RASAL2: variants seen among roughly 807,000 people sequenced by gnomAD.
RASAL2 encodes RAS protein activator like 2.
In RASAL2, 58 loss-of-function variants were observed where a neutral mutation model predicts 128.9. That is an observed-to-expected ratio of 0.45 (90% CI 0.36 to 0.56). RASAL2 has a LOEUF of 0.56. RASAL2 is among the 20% of genes least tolerant of loss of function. The pLI, the probability that RASAL2 is intolerant of heterozygous loss-of-function variation, is 0.00. For missense variants in RASAL2, 1,360 were observed against 1,601.6 expected (o/e 0.85, Z 2.57); for synonymous variants, 561 against 580.8 (o/e 0.97, Z 0.49).
At chr1:178,133,925 T>C (rs1326436822) in intron 1 of RASAL2, among the ~76,000 whole-genome samples, 1 of 152,184 alleles carries the variant, frequency 6.6e-6, no homozygotes, top group Non-Finnish European at 1.5e-5. Flanking sequence ...GCTGCCTTGC[T>C]CCTCAAGATT....
Position 178,318,754 on chromosome 1 carries a change from C to T in RASAL2, c.457+18636C>T, listed in dbSNP as rs576952839. ...GATCTTGACTCTTTATCCAATTTGCCAGTCTGTGTCTTTTAATTGGAGCAT... is the reference window on the plus strand; with the variant it reads ...GATCTTGACTCTTTATCCAATTTGCTAGTCTGTGTCTTTTAATTGGAGCAT... On this transcript the variant is annotated intron_variant, in intron 3 of 17. Coordinates refer to ENST00000367649, the MANE Select transcript of RASAL2 (RefSeq NM_170692.4). Among the ~76,000 whole-genome samples the T allele has an allele frequency of 1.5e-4, 23 of 152,200 alleles. 2 individuals carry two copies. In the East Asian group the frequency reaches 3.1e-3, roughly 20 times the overall value.
At chr1:178,180,663 T>TCACACACATA (rs1553256845) in intron 1 of RASAL2, among the ~76,000 whole-genome samples, 1 of 139,158 alleles carries the variant, frequency 7.2e-6, no homozygotes, top group African/African-American at 2.7e-5. Context: ...CGAGACTGTC[T>TCACACACATA]CACACACACA....
intron 1 of RASAL2, among the ~76,000 whole-genome samples, chr1:178,179,213 T>C (rs1349887347): frequency 6.6e-6 from 1 of 152,154 alleles, no homozygotes; most frequent in Non-Finnish European, 1.5e-5. Flanking sequence ...TTATGGCTGA[T>C]TTCAAGCTAC....
intron 1 of RASAL2, among the ~76,000 whole-genome samples, chr1:178,165,330 G>T (rs1289711916): frequency 1.3e-5 from 2 of 152,080 alleles, no homozygotes; most frequent in East Asian, 3.8e-4. Flanking sequence ...GAAAAAAGTT[G>T]TATCTGTACT....
chr1:178,242,422 A>G (rs1664540421), intron 1 of RASAL2, among the ~76,000 whole-genome samples: 1 of 91,958 alleles, frequency 1.1e-5, no homozygotes, highest in Non-Finnish European at 2.3e-5. Context: ...TTTATAATTC[A>G]TTCTCTCTCT....
In RASAL2 at chr1:178,464,407, G is replaced by A. The variant is rs1222024964; in HGVS notation, c.3382G>A (p.Glu1128Lys). ...EQNLDEAKHA[E>K]KYEQEITKLK... ...AAATCTAGATGAAGCCAAGCATGCT[G>A]AGAAGGTAGAACCTAGTCTGCTTCA... The change falls in exon 15 of 18, where the codon GAG becomes AAG. Residue 1128 changes from glutamate (E) to lysine (K), a missense_variant. Coordinates refer to ENST00000367649, the MANE Select transcript of RASAL2 (RefSeq NM_170692.4). 4.3e-6 allele frequency: 7 copies of A among 1,613,482 alleles called. No individual in the cohort carries two copies. The highest frequency in any genetic ancestry group is 5.1e-6 in the Non-Finnish European group (6 of 1,179,748).
chr1:178,289,100 G>T lies in RASAL2; in HGVS notation c.330+5409G>T, dbSNP rs565477321. 2.6e-5 allele frequency among the ~76,000 whole-genome samples: 4 copies of T among 152,140 alleles called. No homozygotes were observed. The East Asian group carries it at 7.7e-4, about 29-fold the overall frequency. ...CCTGTTCTCCTTTAAATCTATTTCA[G>T]CCAGACTCTTACCCACATCACTGCC... is the stretch of plus-strand genomic sequence containing the variant. On this transcript the variant is annotated intron_variant, in intron 2 of 17. Transcript: ENST00000367649.
intron 9 of RASAL2, among the ~76,000 whole-genome samples, chr1:178,449,176 T>G (rs1677212592): frequency 6.6e-6 from 1 of 152,186 alleles, no homozygotes; most frequent in African/African-American, 2.4e-5. Context: ...ATCTGTCTGC[T>G]TCTTAGCCAG....
intron 12 of RASAL2, 93 bp from the exon 13 acceptor site, chr1:178,456,628 C>T (rs1343377014): frequency 6.0e-6 from 8 of 1,332,632 alleles, no homozygotes; most frequent in African/African-American, 5.8e-5. Flanking sequence ...CAACCTACAC[C>T]CCTCCATCAA....
At chr1:178,341,414 GATTGAGTTTAACTGGC>G (rs1669871725) in intron 3 of RASAL2, 1 of 1,419,996 alleles carries the variant, frequency 7.0e-7, no homozygotes, top group Non-Finnish European at 9.2e-7. Flanking sequence ...TTGGGGCGAG[GATTGAGTTTAACTGGC>G]ATTGGCTCTG....
At chr1:178,319,216 T>C (rs1484835478) in intron 3 of RASAL2, among the ~76,000 whole-genome samples, 1 of 152,122 alleles carries the variant, frequency 6.6e-6, no homozygotes, top group Non-Finnish European at 1.5e-5. Context: ...TTTCTCTGGC[T>C]GCCCTTAACA....
chr1:178,198,053 T>C (rs1662734220), intron 1 of RASAL2, among the ~76,000 whole-genome samples: 1 of 152,240 alleles, frequency 6.6e-6, no homozygotes, highest in Non-Finnish European at 1.5e-5. Flanking sequence ...GGCTGCTTAG[T>C]ATTCCATGGT....
At chr1:178,147,542 G>A (rs1424365876) in intron 1 of RASAL2, among the ~76,000 whole-genome samples, 1 of 150,684 alleles carries the variant, frequency 6.6e-6, no homozygotes, top group African/African-American at 2.4e-5. Flanking sequence ...AAGCAGTAAA[G>A]TGGTAAGTGA....
intron 2 of RASAL2, among the ~76,000 whole-genome samples, chr1:178,294,482 T>G (rs1038381092): frequency 3.3e-5 from 5 of 152,190 alleles, no homozygotes; most frequent in African/African-American, 1.2e-4. Context: ...GAAGAAACTG[T>G]TGCAGGAGTT....
At chr1:178,348,268 A>T (rs1168880229) in intron 3 of RASAL2, among the ~76,000 whole-genome samples, 2 of 152,086 alleles carry the variant, frequency 1.3e-5, no homozygotes, top group African/African-American at 2.4e-5. Flanking sequence ...TACATATGTT[A>T]TTTGTACACT....
chr1:178,409,572 A>G (rs1674225316), intron 4 of RASAL2, among the ~76,000 whole-genome samples: 3 of 152,220 alleles, frequency 2.0e-5, no homozygotes, highest in Admixed American at 6.5e-5. Flanking sequence ...TAAAGTATGA[A>G]GTGGAATGAC....
intron 4 of RASAL2, chr1:178,411,921 T>C (rs1286514106): frequency 2.1e-5 from 14 of 663,788 alleles, no homozygotes; most frequent in Non-Finnish European, 3.6e-5. Flanking sequence ...CCTTGCCCGC[T>C]TGAGTATGAA....
At chr1:178,366,771 G>T (rs1022224970) in intron 3 of RASAL2, among the ~76,000 whole-genome samples, 3 of 151,966 alleles carry the variant, frequency 2.0e-5, no homozygotes, top group Non-Finnish European at 2.9e-5. Context: ...AAGGAATGAA[G>T]TACTCGCTAA....
At chr1:178,453,766 G>A (rs1318905916) in intron 11 of RASAL2, among the ~76,000 whole-genome samples, 1 of 152,062 alleles carries the variant, frequency 6.6e-6, no homozygotes, top group Non-Finnish European at 1.5e-5. Flanking sequence ...ACTCAGTATT[G>A]ATGCTTAAAG....
Sources: allele counts gnomAD v4.1 joint callset (sites outside exome capture counted in the v4.1 genomes callset), GRCh38; gene constraint gnomAD v4.1.1; transcripts MANE v1.5; gene names NCBI Gene and HGNC (gene_info 2026-07-23, HGNC 2026-07-21).